Variants in NEB observed in about 807,000 individuals in gnomAD.
NEB encodes the protein nebulin.
Under a neutral mutation model 952.2 loss-of-function variants are expected in NEB, and 512 were observed. That is an observed-to-expected ratio of 0.54 (90% confidence interval 0.50 to 0.58). The LOEUF is 0.58. NEB is among the 20% of genes least tolerant of loss of function. NEB has a pLI of 0.00. For synonymous variants in NEB, 2,900 were observed against 3,149.8 expected (o/e 0.92, Z 2.66); for missense variants, 8,428 against 9,231.1 (o/e 0.91, Z 3.56).
Position 151,499,290 on chromosome 2 carries a change from T to G in NEB, c.24114+8A>C, listed in dbSNP as rs979788051. 1.4e-6 allele frequency: 2 copies of G among 1,405,766 alleles called. No individual in the cohort carries two copies. The highest frequency in any genetic ancestry group is 2.9e-5 in the African/African-American group (2 of 69,142). The allele number at this position is 1,405,766 out of a possible 1,614,324, so 87.1% of individuals were successfully genotyped here. A position where few individuals can be genotyped will look rare whatever the true frequency, so the allele number is the denominator to read the frequency against. ...AAATAATTAAAGGGATTTTTTATTT[T>G]TAAATACCGAACTAAAGTTTTCTTG... On this transcript the variant is annotated splice_region_variant and intron_variant, in intron 169 of 181. Coordinates refer to ENST00000397345, the MANE Select transcript of NEB (RefSeq NM_001164508.2).
chr2:151,724,845 T>C lies in NEB; in HGVS notation c.507+12A>G. ...CTACTGAGTACCCCAGCCATCCATA[T>C]CATTGCCTTACCTTACTGACTTGCT... On this transcript the variant is annotated intron_variant, in intron 7 of 181. Transcript: ENST00000397345. 1 of 1,608,040 alleles carries C rather than the reference T, an allele frequency of 6.2e-7. No individual in the cohort carries two copies. Among genetic ancestry groups the C allele is most frequent in the South Asian group, 1.1e-5 (1 of 90,456 alleles).
intron 12 of NEB, 53 bp downstream of exon 12, chr2:151,709,603 A>G: frequency 7.1e-7 from 1 of 1,399,112 alleles, no homozygotes; most frequent in South Asian, 1.3e-5. Context: ...CAAAGTTATA[A>G]GAAATTTACC....
intron 116 of NEB, 108 bp from the exon 117 acceptor site, chr2:151,565,256 T>G: frequency 1.4e-6 from 1 of 711,102 alleles, no homozygotes; most frequent in East Asian, 2.7e-5. Flanking sequence ...ACTAACCAAC[T>G]GGTTGAATTT....
At position 151,680,822 on chromosome 2, in the gene NEB, A is replaced by G; in HGVS notation, c.2950T>C (p.Tyr984His). Reference protein sequence around the residue: ...RASDILNEKKYRQHPDTLKFT... With the variant: ...RASDILNEKKHRQHPDTLKFT... ...TTGAGGGTGTCTGGATGTTGGCGATATTTTTTCTGTTTGGCAAATCAAAAA... is the reference window on the plus strand; with the variant it reads ...TTGAGGGTGTCTGGATGTTGGCGATGTTTTTTCTGTTTGGCAAATCAAAAA... Residue 984 changes from tyrosine to histidine, a missense_variant, in exon 30 of 182, where the codon TAT (tyrosine) becomes CAT (histidine). This residue lies in a region of NEB where 2,851 missense variants were observed against 2,791.5 expected (regional missense o/e 1.02). Coordinates refer to ENST00000397345, the MANE Select transcript of NEB (RefSeq NM_001164508.2). 1 of 1,610,968 alleles carries G rather than the reference A, an allele frequency of 6.2e-7. No individual in the cohort carries two copies. Among genetic ancestry groups the G allele is most frequent in the Admixed American group, 1.7e-5 (1 of 59,996 alleles).
intron 45 of NEB, 71 bp from the exon 46 acceptor site, chr2:151,662,412 C>T (rs1273821407): frequency 1.6e-6 from 2 of 1,265,818 alleles, no homozygotes; most frequent in Non-Finnish European, 2.1e-6. Context: ...GTGTGTTTAA[C>T]ATTCTGTAAC....
chr2:151,606,494 G>A lies in NEB; in HGVS notation c.12747+112C>T. On this transcript the variant is annotated intron_variant, in intron 84 of 181. Coordinates refer to ENST00000397345, the MANE Select transcript of NEB (RefSeq NM_001164508.2). ...CAAATACAGAAAGCTTCTAGCACAG[G>A]ATGAGATGAATTCTATGCACAGATT... is the stretch of plus-strand genomic sequence containing the variant. The A allele has an allele frequency of 5.2e-6, 3 of 581,850 alleles. 1 individual carries two copies. The highest frequency in any genetic ancestry group is 1.8e-5 in the South Asian group (1 of 56,144). 36.0% of individuals were successfully genotyped at this position (581,850 alleles called of 1,614,324 possible).
chr2:151,549,784 A>T (rs1359229993), intron 129 of NEB, 44 bp from the exon 130 acceptor site: 2 of 1,172,378 alleles, frequency 1.7e-6, no homozygotes, highest in East Asian at 2.5e-5. Flanking sequence ...TCGGGCATCA[A>T]GTAACTGATC....
At chr2:151,719,886 C>A (rs368866814) in intron 9 of NEB, among the ~76,000 whole-genome samples, 1,010 of 103,222 alleles carry the variant, frequency 9.8e-3, no homozygotes, top group African/African-American at 0.012. Context: ...GACCCTGTCT[C>A]AAAAAAAAAA....
intron 50 of NEB, 21 bp from the exon 51 acceptor site, chr2:151,655,395 A>C (rs2099076761): frequency 7.1e-7 from 1 of 1,411,596 alleles, no homozygotes; most frequent in South Asian, 1.3e-5. Flanking sequence ...GGAAAAAAAG[A>C]CATGAAATTT....
At chr2:151,670,053 T>C (rs2099266816) in intron 38 of NEB, among the ~76,000 whole-genome samples, 1 of 152,290 alleles carries the variant, frequency 6.6e-6, no homozygotes, top group East Asian at 1.9e-4. Context: ...ATGGCATTTA[T>C]TGTGATGTGG....
At chr2:151,636,443 C>G in intron 63 of NEB, 109 bp from the exon 64 acceptor site, 1 of 877,524 alleles carries the variant, frequency 1.1e-6, no homozygotes, top group Non-Finnish European at 1.7e-6. Flanking sequence ...AATAATCTTT[C>G]TTTTGAGAGT....
rs1157187612 is a variant in NEB at position 151,521,963 on chromosome 2, G to C, written c.22480-2195C>G. ...ATTCTTGGAATGGTGTTTGACTAGG[G>C]AGTAATGTAGTAAAACTACATACAC... On this transcript the variant is annotated intron_variant, in intron 153 of 181. Transcript: ENST00000397345. Among the ~76,000 whole-genome samples the C allele has an allele frequency of 2.6e-5, 4 of 152,284 alleles. No individual in the cohort carries two copies. In the East Asian group the frequency reaches 5.8e-4, roughly 22 times the overall value.
chr2:151,525,155 A>G lies in NEB; in HGVS notation c.22272+8T>C. The G allele has an allele frequency of 6.2e-7, 1 of 1,603,864 alleles. No homozygotes were observed. The highest frequency in any genetic ancestry group is 8.5e-7 in the Non-Finnish European group (1 of 1,170,666). On this transcript the variant is annotated splice_region_variant and intron_variant, in intron 151 of 181. Coordinates refer to ENST00000397345, the MANE Select transcript of NEB (RefSeq NM_001164508.2). ...GGGCCCCCAAGAGTGTTGAGAGGGAAAACTTACATCACTTTGCTTCTTGGC... is the reference window on the plus strand; with the variant it reads ...GGGCCCCCAAGAGTGTTGAGAGGGAGAACTTACATCACTTTGCTTCTTGGC...
chr2:151,559,025 T>G (rs1426267879), intron 124 of NEB, among the ~76,000 whole-genome samples: 2 of 152,178 alleles, frequency 1.3e-5, no homozygotes, highest in Non-Finnish European at 2.9e-5. Flanking sequence ...GGGAAAAAAT[T>G]TCTGCAATCT....
intron 29 of NEB, 95 bp from the exon 30 acceptor site, chr2:151,680,923 G>C: frequency 9.8e-7 from 1 of 1,025,364 alleles, no homozygotes; most frequent in Non-Finnish European, 1.5e-6. Flanking sequence ...CGAAAAGGAA[G>C]AGTTTTTCAT....
rs1559218052 is a variant in NEB at position 151,497,681 on chromosome 2, A to G, written c.24245T>C (p.Leu8082Ser). ...TCTTTCCATCTCGGGAGTGACAGGT[A>G]AAGGGGTTCCCTTGCCCATGTTTTC... ...YKENMGKGTP[L>S]PVTPEMERVK... is the part of the protein sequence containing the mutation. Residue 8082 changes from leucine to serine, a missense_variant, in exon 171 of 182, where the codon TTA (leucine) becomes TCA (serine). Coordinates refer to ENST00000397345, the MANE Select transcript of NEB (RefSeq NM_001164508.2). 2 of 1,585,234 alleles carry G rather than the reference A, an allele frequency of 1.3e-6. No individual in the cohort carries two copies. The highest frequency in any genetic ancestry group is 1.7e-6 in the Non-Finnish European group (2 of 1,163,460).
At chr2:151,671,691 C>T (rs2099297074) in intron 37 of NEB, among the ~76,000 whole-genome samples, 1 of 152,166 alleles carries the variant, frequency 6.6e-6, no homozygotes. Flanking sequence ...CTTTTGATTC[C>T]ACTGAAGACT....
chr2:151,632,404 T>C (rs2098686702), intron 65 of NEB, among the ~76,000 whole-genome samples: 1 of 151,698 alleles, frequency 6.6e-6, no homozygotes, highest in Admixed American at 6.6e-5. Flanking sequence ...GGACAGGTGT[T>C]GGGGTCCACG....
intron 73 of NEB, 51 bp downstream of exon 73, chr2:151,619,400 C>T (rs1266682884): frequency 3.3e-6 from 5 of 1,513,224 alleles, no homozygotes; most frequent in African/African-American, 2.8e-5. Context: ...AACTCACAGA[C>T]ACGTTTCAGA....
Sources: gnomAD v4.1 joint callset for allele counts (sites outside exome capture counted in the v4.1 genomes callset) on GRCh38, gnomAD v4.1.1 for gene constraint, gnomAD v4.1.1 regional missense constraint, MANE v1.5 for transcripts, NCBI Gene and HGNC (gene_info 2026-07-23, HGNC 2026-07-21) for gene names.